Variants in MMP26 observed in about 807,000 individuals in gnomAD.
MMP26 encodes the protein matrix metalloproteinase-26.
MMP26 carries 33 observed loss-of-function variants against 31.0 expected under a neutral mutation model. That is an observed-to-expected ratio of 1.06 (90% confidence interval 0.81 to 1.42). The LOEUF is 1.42. Among genes scored for constraint, MMP26 ranks in the 40% most tolerant of loss-of-function variants. MMP26 has a pLI of 0.00. For synonymous variants in MMP26, 122 were observed against 114.9 expected, an observed-to-expected ratio of 1.06 and a Z score of -0.40; for missense variants, 347 against 316.1, an observed-to-expected ratio of 1.10 and a Z score of -0.74.
At chr11:4,792,509 G>T (rs1018051369) in intron 2 of MMP26, among the ~76,000 whole-genome samples, 1 of 152,134 alleles carries the variant, frequency 6.6e-6, no homozygotes, top group Non-Finnish European at 1.5e-5. Flanking sequence ...TGTGGGTTAT[G>T]CAGATTTTCT....
At chr11:4,963,500 G>A (rs1010117392) in intron 2 of MMP26, among the ~76,000 whole-genome samples, 1 of 152,206 alleles carries the variant, frequency 6.6e-6, no homozygotes, top group African/African-American at 2.4e-5. Flanking sequence ...CAAGGCTACA[G>A]TAACCAAAAC....
chr11:4,740,828 C>T (rs1564898774), intron 1 of MMP26, among the ~76,000 whole-genome samples: 1 of 152,112 alleles, frequency 6.6e-6, no homozygotes, highest in Non-Finnish European at 1.5e-5. Flanking sequence ...ACCTTAGAGA[C>T]ATTTTAGTCC....
At chr11:4,892,802 T>C (rs1397946702) in intron 2 of MMP26, among the ~76,000 whole-genome samples, 1 of 152,150 alleles carries the variant, frequency 6.6e-6, no homozygotes, top group East Asian at 1.9e-4. Flanking sequence ...GAGAGCAGAG[T>C]ACATTGATGT....
intron 2 of MMP26, among the ~76,000 whole-genome samples, chr11:4,790,185 C>CA (rs1477670806): frequency 6.6e-6 from 1 of 151,910 alleles, no homozygotes; most frequent in Non-Finnish European, 1.5e-5. Context: ...ACTAAAAATA[C>CA]AAAAAATTAG....
intron 2 of MMP26, among the ~76,000 whole-genome samples, chr11:4,871,040 G>A (rs146449150): frequency 1.6e-4 from 25 of 152,184 alleles, no homozygotes; most frequent in African/African-American, 5.8e-4. Context: ...AATTAAAGTA[G>A]GAGGAAACAT....
At chr11:4,779,614 A>G (rs183842820) in intron 2 of MMP26, among the ~76,000 whole-genome samples, 234 of 152,216 alleles carry the variant, frequency 1.5e-3, no homozygotes, top group Non-Finnish European at 2.6e-3. Context: ...ACACCTCTGA[A>G]GCTGAATATT....
intron 2 of MMP26, chr11:4,882,492 G>C (rs1438560772): frequency 9.3e-6 from 15 of 1,613,878 alleles, no homozygotes; most frequent in Non-Finnish European, 1.2e-5. Context: ...TGGATCAGCA[G>C]TTTTTGGGGA....
intron 1 of MMP26, among the ~76,000 whole-genome samples, chr11:4,717,581 G>T (rs1847951818): frequency 6.6e-6 from 1 of 151,880 alleles, no homozygotes; most frequent in Non-Finnish European, 1.5e-5. Context: ...ATGATGGTGG[G>T]GGTTGGGGAT....
chr11:4,939,270 T>C (rs1171388438), intron 2 of MMP26, among the ~76,000 whole-genome samples: 3 of 152,160 alleles, frequency 2.0e-5, no homozygotes, highest in Non-Finnish European at 2.9e-5. Context: ...TTTAATGGAA[T>C]ATCATTTACC....
intron 2 of MMP26, among the ~76,000 whole-genome samples, chr11:4,807,713 C>T (rs1475290051): frequency 3.9e-5 from 6 of 152,272 alleles, no homozygotes; most frequent in Admixed American, 2.0e-4. Flanking sequence ...CACATGTATA[C>T]ATATGTAACA....
chr11:4,791,792 T>C (rs748719676), intron 2 of MMP26, among the ~76,000 whole-genome samples: 40 of 152,030 alleles, frequency 2.6e-4, no homozygotes, highest in Non-Finnish European at 5.7e-4. Flanking sequence ...TTGTGTCCAG[T>C]GTTGGGTTCC....
chr11:4,967,696 T>C (rs1846614901), intron 2 of MMP26, among the ~76,000 whole-genome samples: 3 of 152,190 alleles, frequency 2.0e-5, no homozygotes, highest in African/African-American at 7.2e-5. Flanking sequence ...TCAAACATAA[T>C]ATTGTAACCA....
At chr11:4,749,313 A>G (rs977951211) in intron 1 of MMP26, among the ~76,000 whole-genome samples, 4 of 152,090 alleles carry the variant, frequency 2.6e-5, no homozygotes, top group Non-Finnish European at 5.9e-5. Context: ...AAAATATCCC[A>G]TAATCATGGA....
intron 2 of MMP26, among the ~76,000 whole-genome samples, chr11:4,869,117 C>G (rs1007039029): frequency 1.3e-5 from 2 of 152,064 alleles, no homozygotes; most frequent in East Asian, 1.9e-4. Context: ...AAAAATCCTA[C>G]AAGAAAACCT....
At chr11:4,867,303 C>T (rs748676086) in intron 2 of MMP26, among the ~76,000 whole-genome samples, 4 of 151,410 alleles carry the variant, frequency 2.6e-5, no homozygotes, top group Admixed American at 6.6e-5. Flanking sequence ...CAAAAGAAGA[C>T]GTACATGTGA....
chr11:4,959,669 G>T lies in MMP26; in HGVS notation c.-144-28399G>T, dbSNP rs141110403. Among the ~76,000 whole-genome samples, 214 of 152,182 alleles carry T rather than the reference G, an allele frequency of 1.4e-3. 2 individuals carry two copies. The highest frequency in any genetic ancestry group is 4.9e-3 in the African/African-American group (205 of 41,504). ...GGAATTCATATTATCTCTTTAAGTG[G>T]TATCCAGTTCAATCATTTATTGTGT... On this transcript the variant is annotated intron_variant, in intron 2 of 7. Coordinates refer to ENST00000380390, the MANE Select transcript of MMP26 (RefSeq NM_021801.5).
chr11:4,809,629 A>G (rs574776885), intron 2 of MMP26, among the ~76,000 whole-genome samples: 13 of 152,326 alleles, frequency 8.5e-5, no homozygotes, highest in African/African-American at 3.1e-4. Flanking sequence ...TAGAGCAATA[A>G]TGCTGGAGCA....
At chr11:4,867,273 G>T (rs1245697213) in intron 2 of MMP26, among the ~76,000 whole-genome samples, 3 of 151,550 alleles carry the variant, frequency 2.0e-5, no homozygotes, top group Non-Finnish European at 2.9e-5. Context: ...AGTGGGCAAA[G>T]GACATGAACA....
intron 1 of MMP26, chr11:4,723,395 T>A: frequency 1.0e-6 from 1 of 952,792 alleles, no homozygotes. Flanking sequence ...TACTGCGCCT[T>A]GACCTCAGCG....
Sources: gnomAD v4.1 joint callset for allele counts (sites outside exome capture counted in the v4.1 genomes callset) on GRCh38, gnomAD v4.1.1 for gene constraint, MANE v1.5 for transcripts, NCBI Gene and HGNC (gene_info 2026-07-23, HGNC 2026-07-21) for gene names.